SV2C: variants seen among roughly 807,000 people sequenced by gnomAD.
SV2C encodes synaptic vesicle glycoprotein 2C, also known as solute carrier family 22 member B3.
SV2C carries 49 observed loss-of-function variants against 79.7 expected under a neutral mutation model. The ratio of observed to expected loss-of-function variants is 0.61; its 90% confidence interval spans 0.49 to 0.78. The LOEUF (loss-of-function observed/expected upper bound fraction) is 0.78. Ranked by LOEUF, SV2C falls within the 30% of genes least tolerant of loss-of-function variation. SV2C has a pLI of 0.00. For synonymous variants in SV2C, 334 were observed against 333.2 expected (o/e 1.00, Z -0.03); for missense variants, 833 against 912.9 (o/e 0.91, Z 1.13).
At chr5:76,076,944 C>A in the SV2C span, among the ~76,000 whole-genome samples, 5 of 152,094 alleles carry the variant, frequency 3.3e-5, no homozygotes, top group Admixed American at 3.3e-4. Context: ...TGTCTTGTAT[C>A]CCCCTCACGT....
intron 2 of SV2C, among the ~76,000 whole-genome samples, chr5:76,186,893 C>G (rs187982922): frequency 9.9e-5 from 15 of 152,224 alleles, no homozygotes; most frequent in African/African-American, 3.1e-4. Context: ...AGGGAACCAC[C>G]CCTATGATTC....
chr5:76,142,909 T>TTTTTTTTTTTTTTTTTC (rs1158712389), intron 2 of SV2C, among the ~76,000 whole-genome samples: 1 of 149,458 alleles, frequency 6.7e-6, no homozygotes. Flanking sequence ...TTTCCTTTTT[T>TTTTTTTTTTTTTTTTTC]TTTGAGACGG....
intron 4 of SV2C, among the ~76,000 whole-genome samples, chr5:76,258,131 GGT>G (rs10664841): frequency 0.1 from 15,240 of 148,454 alleles, 882 homozygotes; most frequent in South Asian, 0.17. Flanking sequence ...TGGTATATGG[GGT>G]GTGTGTGTGT....
the SV2C span, among the ~76,000 whole-genome samples, chr5:75,879,808 C>A: frequency 6.6e-6 from 1 of 152,208 alleles, no homozygotes; most frequent in African/African-American, 2.4e-5. Context: ...CTCCACATTG[C>A]CCTAGTAGAG....
At chr5:76,059,136 T>C in the SV2C span, among the ~76,000 whole-genome samples, 2 of 152,154 alleles carry the variant, frequency 1.3e-5, no homozygotes, top group African/African-American at 4.8e-5. Context: ...TCTGAGCCTT[T>C]AGGGAGTTAT....
At chr5:76,092,525 G>A (rs1056128906) in intron 1 of SV2C, among the ~76,000 whole-genome samples, 1 of 152,160 alleles carries the variant, frequency 6.6e-6, no homozygotes, top group African/African-American at 2.4e-5. Context: ...TTGAGCAGGG[G>A]CTGCTCATTG....
At chr5:76,226,653 A>G (rs1328119129) in intron 4 of SV2C, among the ~76,000 whole-genome samples, 2 of 152,194 alleles carry the variant, frequency 1.3e-5, no homozygotes, top group Non-Finnish European at 2.9e-5. Context: ...TAATCCTCCA[A>G]TGTTTAAATG....
chr5:75,953,531 C>A, the SV2C span, among the ~76,000 whole-genome samples: 2 of 151,956 alleles, frequency 1.3e-5, no homozygotes, highest in Admixed American at 6.6e-5. Context: ...ACTTTTTAAC[C>A]TAATGTGCTT....
chr5:76,236,524 T>A (rs1333459267), intron 4 of SV2C, among the ~76,000 whole-genome samples: 3 of 151,658 alleles, frequency 2.0e-5, no homozygotes, highest in Admixed American at 6.6e-5. Context: ...ATCGCATCAC[T>A]GCACTCCAGC....
intron 2 of SV2C, among the ~76,000 whole-genome samples, chr5:76,185,796 G>T (rs1225612933): frequency 6.6e-6 from 1 of 152,210 alleles, no homozygotes; most frequent in African/African-American, 2.4e-5. Context: ...TTTCCCCATT[G>T]TCCTGGTGAT....
chr5:75,957,553 C>A, the SV2C span, among the ~76,000 whole-genome samples: 5 of 151,972 alleles, frequency 3.3e-5, no homozygotes, highest in Non-Finnish European at 4.4e-5. Context: ...CAGACTCTTG[C>A]CCCAGGGCTA....
intron 4 of SV2C, among the ~76,000 whole-genome samples, chr5:76,243,861 T>G (rs1379078565): frequency 6.6e-6 from 1 of 152,212 alleles, no homozygotes. Context: ...CCAACTCACA[T>G]GCAGCCACAC....
chr5:76,338,945 C>G (rs76645482), downstream of SV2C, among the ~76,000 whole-genome samples: 7,231 of 151,992 alleles, frequency 0.048, 594 homozygotes, highest in African/African-American at 0.16. Flanking sequence ...TGTGAGCCAC[C>G]GCTCCCGGCT....
At chr5:76,285,720 GA>G in intron 5 of SV2C, 60 bp from the exon 6 acceptor site, 1 of 1,437,610 alleles carries the variant, frequency 7.0e-7, no homozygotes, top group Non-Finnish European at 9.7e-7. Context: ...ACGGCTATTG[GA>G]AAATCAGGGA....
At chr5:75,955,928 A>G in the SV2C span, among the ~76,000 whole-genome samples, 9 of 152,000 alleles carry the variant, frequency 5.9e-5, no homozygotes, top group South Asian at 2.1e-4. Flanking sequence ...AGAAATAGGA[A>G]CACTTTTACA....
At chr5:76,054,678 T>C in the SV2C span, among the ~76,000 whole-genome samples, 20 of 152,338 alleles carry the variant, frequency 1.3e-4, no homozygotes, top group African/African-American at 4.3e-4. Flanking sequence ...TTTTTAATAA[T>C]TGACATTCTG....
chr5:76,096,080 G>A (rs995030625), intron 1 of SV2C, among the ~76,000 whole-genome samples: 3 of 152,078 alleles, frequency 2.0e-5, no homozygotes, highest in Non-Finnish European at 4.4e-5. Context: ...ATCTTTCCAC[G>A]TGATTGTAGG....
chr5:75,908,842 C>T, the SV2C span, among the ~76,000 whole-genome samples: 2 of 152,188 alleles, frequency 1.3e-5, no homozygotes, highest in Non-Finnish European at 2.9e-5. Context: ...ACCTCTGCAG[C>T]AGTGCAGAGA....
intron 1 of SV2C, among the ~76,000 whole-genome samples, chr5:76,121,952 A>G (rs1748515837): frequency 6.6e-6 from 1 of 152,074 alleles, no homozygotes; most frequent in Admixed American, 6.5e-5. Context: ...TCTATAAATT[A>G]CCTTGGGCAG....
Sources: allele counts gnomAD v4.1 joint callset (sites outside exome capture counted in the v4.1 genomes callset), GRCh38; gene constraint gnomAD v4.1.1; transcripts MANE v1.5; gene names NCBI Gene and HGNC (gene_info 2026-07-23, HGNC 2026-07-21).